TEX9: variants seen among roughly 807,000 people sequenced by gnomAD.
TEX9 encodes the protein testis expressed 9.
TEX9 carries 74 observed loss-of-function variants against 59.6 expected under a neutral mutation model. The observed-to-expected ratio is 1.24, with a 90% CI of 1.03 to 1.51. TEX9 has a LOEUF of 1.51. Ranked by LOEUF, TEX9 falls within the 40% of genes most tolerant of loss-of-function variation. The pLI is 0.00. For synonymous variants in TEX9, 186 were observed against 152.2 expected, an observed-to-expected ratio of 1.22 and a Z score of -1.64; for missense variants, 522 against 447.8, an observed-to-expected ratio of 1.17 and a Z score of -1.49.
At chr15:56,305,860 G>A (rs1001686501) in intron 1 of TEX9, among the ~76,000 whole-genome samples, 19 of 152,156 alleles carry the variant, frequency 1.2e-4, no homozygotes, top group South Asian at 6.2e-4. Flanking sequence ...GAAAATATTC[G>A]CAATCTATCT....
intron 7 of TEX9, 51 bp downstream of exon 7, chr15:56,391,469 A>G (rs368290160): frequency 5.6e-6 from 7 of 1,243,396 alleles, no homozygotes; most frequent in Non-Finnish European, 7.5e-6. Context: ...AGTTACTTAG[A>G]AGAAGAAATC....
At chr15:56,314,902 T>A (rs1413409455) in intron 1 of TEX9, among the ~76,000 whole-genome samples, 1 of 151,908 alleles carries the variant, frequency 6.6e-6, no homozygotes, top group Non-Finnish European at 1.5e-5. Context: ...TACCATTATG[T>A]AATGGCCTTC....
chr15:56,315,543 T>A (rs1399604280), intron 1 of TEX9, among the ~76,000 whole-genome samples: 14 of 150,774 alleles, frequency 9.3e-5, no homozygotes, highest in Middle Eastern at 3.4e-3. Context: ...TGGCCTTCCC[T>A]TTGAGGGTAA....
intron 1 of TEX9, among the ~76,000 whole-genome samples, chr15:56,352,550 G>T (rs1432565226): frequency 6.6e-6 from 1 of 151,930 alleles, no homozygotes; most frequent in African/African-American, 2.4e-5. Flanking sequence ...ATCATGCCCC[G>T]CCCTGTATTT....
intron 10 of TEX9, 55 bp downstream of exon 10, chr15:56,412,491 T>A: frequency 6.6e-7 from 1 of 1,513,658 alleles, no homozygotes; most frequent in Non-Finnish European, 8.9e-7. Context: ...CTACTTCTTT[T>A]ATGAACATGT....
intron 1 of TEX9, among the ~76,000 whole-genome samples, chr15:56,280,084 G>GT (rs1179403559): frequency 6.6e-6 from 1 of 152,196 alleles, no homozygotes; most frequent in East Asian, 1.9e-4. Context: ...GATAATGTAA[G>GT]TGTTATAAGC....
exon 12 of TEX9, chr15:56,428,456 C>G: frequency 6.3e-7 from 1 of 1,590,076 alleles, no homozygotes; most frequent in Non-Finnish European, 8.6e-7. Context: ...TGATCTACTT[C>G]AGTTAGTCTC....
chr15:56,428,455 T>G (rs1215108937), exon 12 of TEX9: 4 of 1,590,808 alleles, frequency 2.5e-6, no homozygotes, highest in Non-Finnish European at 3.4e-6. Context: ...GTGATCTACT[T>G]CAGTTAGTCT....
At chr15:56,307,964 G>A (rs1469553150) in intron 1 of TEX9, among the ~76,000 whole-genome samples, 1 of 151,930 alleles carries the variant, frequency 6.6e-6, no homozygotes, top group Admixed American at 6.6e-5. Flanking sequence ...ATCATATTTT[G>A]TTTATCCATT....
Position 56,301,655 on chromosome 15 carries a change from GA to G in TEX9, c.-107+57390del, listed in dbSNP as rs780816147. On this transcript the variant is annotated intron_variant, in intron 1 of 5. Coordinates refer to the TEX9 transcript ENST00000560827. ...GTGGAATGATGTTAAAGTGCTGAAG[GA>G]AAAAAAAAAAAACTTTTACCCTAGA... 2.1e-3 allele frequency among the ~76,000 whole-genome samples: 294 copies of G among 139,872 alleles called. 2 individuals carry two copies. The highest frequency in any genetic ancestry group is 2.7e-3 in the South Asian group (12 of 4,480). The allele number at this position is 139,872 out of a possible 152,430, so 91.8% of individuals were successfully genotyped here.
chr15:56,394,892 T>A (rs778459818), intron 9 of TEX9, 58 bp downstream of exon 9: 8 of 1,528,392 alleles, frequency 5.2e-6, no homozygotes, highest in Non-Finnish European at 7.1e-6. Flanking sequence ...ATTATTAAGG[T>A]TACACATTTG....
At chr15:56,297,866 T>C (rs1374412362) in intron 1 of TEX9, among the ~76,000 whole-genome samples, 1 of 152,256 alleles carries the variant, frequency 6.6e-6, no homozygotes, top group Admixed American at 6.5e-5. Context: ...CCAGCGAGAC[T>C]GTACTTGTCC....
At chr15:56,265,069 T>A (rs1245298840) in intron 1 of TEX9, among the ~76,000 whole-genome samples, 1 of 152,206 alleles carries the variant, frequency 6.6e-6, no homozygotes, top group Non-Finnish European at 1.5e-5. Context: ...GTTTTTTGTG[T>A]ACTAGCTCTT....
At chr15:56,441,237 T>C (rs1244027570) in intron 12 of TEX9, among the ~76,000 whole-genome samples, 1 of 152,156 alleles carries the variant, frequency 6.6e-6, no homozygotes, top group Non-Finnish European at 1.5e-5. Flanking sequence ...AATTCCACTG[T>C]AGTCAGAAAA....
intron 1 of TEX9, among the ~76,000 whole-genome samples, chr15:56,341,966 G>T (rs1218153474): frequency 1.3e-5 from 2 of 151,980 alleles, no homozygotes; most frequent in Non-Finnish European, 2.9e-5. Context: ...ATATTATGTG[G>T]CTGTTCTCAA....
intron 1 of TEX9, among the ~76,000 whole-genome samples, chr15:56,350,694 A>T (rs1326851722): frequency 6.6e-6 from 1 of 152,158 alleles, no homozygotes; most frequent in Non-Finnish European, 1.5e-5. Context: ...TAAATATCAT[A>T]CTTTTTTTTA....
chr15:56,361,601 C>T (rs1330598648), upstream of TEX9, among the ~76,000 whole-genome samples: 1 of 152,036 alleles, frequency 6.6e-6, no homozygotes, highest in Non-Finnish European at 1.5e-5. Context: ...AAGTGTGCCA[C>T]CTCCCCCTCC....
intron 1 of TEX9, among the ~76,000 whole-genome samples, chr15:56,322,908 G>T (rs1439929908): frequency 6.6e-6 from 1 of 152,116 alleles, no homozygotes; most frequent in African/African-American, 2.4e-5. Context: ...AGGAAGAATG[G>T]TAAAGAGAGA....
At chr15:56,340,853 T>C (rs2046359342) in intron 1 of TEX9, among the ~76,000 whole-genome samples, 1 of 152,202 alleles carries the variant, frequency 6.6e-6, no homozygotes, top group African/African-American at 2.4e-5. Context: ...ATAAGTCATC[T>C]GCCTATTTAA....
Sources: gnomAD v4.1 joint callset for allele counts (sites outside exome capture counted in the v4.1 genomes callset) on GRCh38, gnomAD v4.1.1 for gene constraint, MANE v1.5 for transcripts, NCBI Gene and HGNC (gene_info 2026-07-23, HGNC 2026-07-21) for gene names.